RTEL1: variants seen among roughly 807,000 people sequenced by gnomAD.
RTEL1 encodes regulator of telomere length.
In RTEL1, 86 loss-of-function variants were observed where a neutral mutation model predicts 162.2. That is an observed-to-expected ratio of 0.53 (90% confidence interval 0.45 to 0.63). RTEL1 has a LOEUF of 0.63. Among genes scored for constraint, RTEL1 ranks in the 30% least tolerant of loss-of-function variants. The pLI is 0.00. For missense variants in RTEL1, 1,941 were observed against 1,750.2 expected (o/e 1.11, Z -1.95); for synonymous variants, 958 against 717.9 (o/e 1.33, Z -5.35).
rs539800902 is a variant in RTEL1 at position 63,694,808 on chromosome 20, C to A, written c.3177C>A (p.Ala1059=). The A allele has an allele frequency of 2.5e-6, 4 of 1,612,410 alleles. No individual in the cohort carries two copies. The East Asian group carries it at 6.7e-5, about 27-fold the overall frequency. ...VPRAGKQGQH[A]VSAYLADARR... ...GAGCAGGGAAGCAGGGCCAGCACGC[C>A]GTGAGCGCCTACCTGGCTGATGCCC... is the stretch of plus-strand genomic sequence containing the variant. The change falls in exon 32 of 35, where the codon GCC becomes GCA. Residue 1059 remains alanine, a synonymous_variant. Transcript: ENST00000360203.
At position 63,693,419 on chromosome 20, in the gene RTEL1, G is replaced by A. The variant is rs1195166788; in HGVS notation, c.2992+136G>A. 7 of 986,972 alleles carry A rather than the reference G, an allele frequency of 7.1e-6. No homozygotes were observed. The East Asian group carries it at 1.1e-4, about 15-fold the overall frequency. 61.1% of individuals were successfully genotyped at this position (986,972 alleles called of 1,614,324 possible). On this transcript the variant is annotated intron_variant, in intron 30 of 34. Transcript: ENST00000360203. ...TCTGTTCCCCTATGGGAGTGATGGGGGCCTCCACCTCCACCACCAGCACCA... is the reference window on the plus strand; with the variant it reads ...TCTGTTCCCCTATGGGAGTGATGGGAGCCTCCACCTCCACCACCAGCACCA...
At chr20:63,670,965 C>G (rs553131956) in intron 8 of RTEL1, among the ~76,000 whole-genome samples, 113 of 152,338 alleles carry the variant, frequency 7.4e-4, no homozygotes, top group African/African-American at 2.6e-3. Flanking sequence ...ACAGCAGCCA[C>G]GGGCGTGGAC....
intron 1 of RTEL1, among the ~76,000 whole-genome samples, chr20:63,659,002 C>G (rs1323905441): frequency 6.6e-6 from 1 of 152,186 alleles, no homozygotes; most frequent in Non-Finnish European, 1.5e-5. Flanking sequence ...TTACTGCAGG[C>G]GGAACTTGCA....
rs1257154528 is a variant in RTEL1, at chr20:63,668,285, CGTG to C, written c.699+736_699+738del. ...GGTTTGTGTGTTCACGTGACGATGG[CGTG>C]GTGACGTTTCCAGATCCCGTCGTTG... On this transcript the variant is annotated intron_variant, in intron 8 of 34. Transcript: ENST00000360203. The surrounding 1 kb of genome is among the most constrained non-coding windows in gnomAD (Gnocchi z 4.3). 6.6e-6 allele frequency among the ~76,000 whole-genome samples: 1 copy of C among 152,120 alleles called. No homozygotes were observed. Among genetic ancestry groups the C allele is most frequent in the African/African-American group, 2.4e-5 (1 of 41,420 alleles).
intron 30 of RTEL1, among the ~76,000 whole-genome samples, chr20:63,693,491 C>CACG (rs2090846140): frequency 2.0e-5 from 2 of 102,330 alleles, no homozygotes; most frequent in Non-Finnish European, 4.0e-5. Context: ...CCACCACCAC[C>CACG]TCCACCTCCA....
rs1317237188 is a variant in RTEL1, at chr20:63,693,448, GCAC to G, written c.2992+170_2992+172del. ...TCCACCTCCACCACCAGCACCAGCA[GCAC>G]CACCTCCACCTCCACCTCCACCTCC... On this transcript the variant is annotated intron_variant, in intron 30 of 34. Coordinates refer to ENST00000360203, the MANE Select transcript of RTEL1 (RefSeq NM_001283009.2). Among the ~76,000 whole-genome samples the G allele has an allele frequency of 2.3e-3, 97 of 42,358 alleles. 4 individuals are homozygous for G. The East Asian group carries it at 0.044, about 19-fold the overall frequency. The allele number at this position is 42,358 out of a possible 152,430, so 27.8% of individuals were successfully genotyped here. A position where few individuals can be genotyped will look rare whatever the true frequency, so the allele number is the denominator to read the frequency against.
In RTEL1 at chr20:63,690,389, G is replaced by C. The variant is rs1443824309; in HGVS notation, c.2361G>C (p.Arg787Ser). The C allele has an allele frequency of 6.2e-7, 1 of 1,605,688 alleles. No individual in the cohort carries two copies. Among genetic ancestry groups the C allele is most frequent in the Non-Finnish European group, 8.5e-7 (1 of 1,175,630 alleles). Residue 787 changes from arginine to serine, a missense_variant, in exon 26 of 35, where the codon AGG becomes AGC. Transcript: ENST00000360203. ...AKSPGPFFST[R>S]KAKSLDLHVP... ...CGCCTGGCCCCTTCTTCTCCACCAG[G>C]AAAGCTAAGAGTCTGGACCTGCATG... is the stretch of plus-strand genomic sequence containing the variant.
At chr20:63,693,582 ACCACCACC>A (rs2090864788) in intron 30 of RTEL1, among the ~76,000 whole-genome samples, 1 of 20,624 alleles carries the variant, frequency 4.8e-5, no homozygotes, top group Non-Finnish European at 1.1e-4. Context: ...CACCTCCACC[ACCACCACC>A]TCCACCTCCA....
chr20:63,693,453 ACCTCCACCTCCACCT>A lies in RTEL1; in HGVS notation c.2992+173_2992+187del, dbSNP rs1568719859. 2.7e-4 allele frequency among the ~76,000 whole-genome samples: 10 copies of A among 37,036 alleles called. No individual in the cohort carries two copies. In the East Asian group the frequency reaches 2.7e-3, roughly 10 times the overall value. The allele number at this position is 37,036 out of a possible 152,430, so 24.3% of individuals were successfully genotyped here. A position where few individuals can be genotyped will look rare whatever the true frequency, so the allele number is the denominator to read the frequency against. ...CTCCACCACCAGCACCAGCAGCACC[ACCTCCACCTCCACCT>A]CCACCTCCACCTCCACCACCACCTC... On this transcript the variant is annotated intron_variant, in intron 30 of 34. Transcript: ENST00000360203.
intron 27 of RTEL1, among the ~76,000 whole-genome samples, 173 bp downstream of exon 27, chr20:63,691,120 C>T (rs942463074): frequency 1.3e-5 from 2 of 152,002 alleles, no homozygotes; most frequent in African/African-American, 4.8e-5. Context: ...GTGGGTCCTC[C>T]ACCCCACCTC....
rs1450743131 is a variant in RTEL1 at position 63,682,399 on chromosome 20, G to A, written c.1191+1680G>A. ...ACTCTGGAACCGGATCCTGGAACGC[G>A]GCCTCCCAGCCTCCCACTTAAGGAG... On this transcript the variant is annotated intron_variant, in intron 14 of 34. Transcript: ENST00000360203. 1.9e-5 allele frequency: 19 copies of A among 984,808 alleles called. No homozygotes were observed. In the South Asian group the frequency reaches 6.6e-4, roughly 34 times the overall value. The allele number at this position is 984,808 out of a possible 1,614,324, so 61.0% of individuals were successfully genotyped here. A position where few individuals can be genotyped will look rare whatever the true frequency, so the allele number is the denominator to read the frequency against.
Position 63,680,042 on chromosome 20 carries a change from C to T in RTEL1, c.1135+96C>T, listed in dbSNP as rs991890601. The T allele has an allele frequency of 1.7e-5, 14 of 823,828 alleles. No individual in the cohort carries two copies. In the Admixed American group the frequency reaches 3.6e-4, roughly 21 times the overall value. 51.0% of individuals were successfully genotyped at this position (823,828 alleles called of 1,614,324 possible). ...CAGTCAGGGCTCCCCTGGCCGTCACCTGGCCGTCAGCAGGAACAGGCCCAC... is the reference window on the plus strand; with the variant it reads ...CAGTCAGGGCTCCCCTGGCCGTCACTTGGCCGTCAGCAGGAACAGGCCCAC... On this transcript the variant is annotated intron_variant, in intron 13 of 34. Transcript: ENST00000360203.
Position 63,665,947 on chromosome 20 carries a change from G to A in RTEL1, c.539-57G>A, listed in dbSNP as rs112588298. On this transcript the variant is annotated intron_variant, in intron 6 of 34. Transcript: ENST00000360203. ...CGTTCTGTCCTGGGCATCCCCCTGTGGTCTGGGACTTAGTGGACCCTGAGG... is the reference window on the plus strand; with the variant it reads ...CGTTCTGTCCTGGGCATCCCCCTGTAGTCTGGGACTTAGTGGACCCTGAGG... 14 of 1,531,728 alleles carry A rather than the reference G, an allele frequency of 9.1e-6. No individual in the cohort carries two copies. The African/African-American group carries it at 1.8e-4, about 19-fold the overall frequency. 94.9% of individuals were successfully genotyped at this position (1,531,728 alleles called of 1,614,324 possible). A position where few individuals can be genotyped will look rare whatever the true frequency, so the allele number is the denominator to read the frequency against.
At chr20:63,659,965 G>A (rs2089985448) in intron 2 of RTEL1, among the ~76,000 whole-genome samples, 1 of 152,082 alleles carries the variant, frequency 6.6e-6, no homozygotes, top group Non-Finnish European at 1.5e-5. Flanking sequence ...AAGGAATCTG[G>A]GTCACAAATA....
In RTEL1 at chr20:63,678,192, T is replaced by G. The variant is rs748577663; in HGVS notation, c.958+9T>G. ...CATTGCAAAGCTGAAGAGTAAGTGT[T>G]GCCCTCCCCGCCTCCTTGCAGCTGG... On this transcript the variant is annotated intron_variant, in intron 11 of 34. Transcript: ENST00000360203. The G allele has an allele frequency of 2.5e-6, 4 of 1,613,316 alleles. No homozygotes were observed. The highest frequency in any genetic ancestry group is 3.4e-6 in the Non-Finnish European group (4 of 1,179,228).
chr20:63,689,219 G>C lies in RTEL1; in HGVS notation c.1878+87G>C, dbSNP rs897638176. 4 of 1,310,976 alleles carry C rather than the reference G, an allele frequency of 3.1e-6. No homozygotes were observed. The African/African-American group carries it at 4.4e-5, about 14-fold the overall frequency. The allele number at this position is 1,310,976 out of a possible 1,614,324, so 81.2% of individuals were successfully genotyped here. A position where few individuals can be genotyped will look rare whatever the true frequency, so the allele number is the denominator to read the frequency against. On this transcript the variant is annotated intron_variant, in intron 22 of 34. Transcript: ENST00000360203. The stretch of plus-strand genomic sequence containing the variant: ...CTCCCCAGCAGACTCTGGGCCCTGG[G>C]GGCTGCCCGGTCCCCTCCTTGGGTC...
At chr20:63,687,594 C>A in intron 16 of RTEL1, 44 bp from the exon 17 acceptor site, 1 of 1,558,764 alleles carries the variant, frequency 6.4e-7, no homozygotes, top group South Asian at 1.2e-5. Context: ...GGCCCCCAGT[C>A]CCGTCCTCAC....
In RTEL1 at chr20:63,695,311, C is replaced by T; in HGVS notation, c.3500-17C>T. The T allele has an allele frequency of 6.3e-7, 1 of 1,575,034 alleles. No homozygotes were observed. Reference sequence around the variant, plus strand: ...CAAAGCCCCAGGCCCCCCTCAGACTCAAGTCTCTGTCTCCAGGCCCCTCAC... The same window carrying T: ...CAAAGCCCCAGGCCCCCCTCAGACTTAAGTCTCTGTCTCCAGGCCCCTCAC... On this transcript the variant is annotated splice_polypyrimidine_tract_variant and intron_variant, in intron 33 of 34. Transcript: ENST00000360203.
At chr20:63,664,096 C>T (rs1481788392) in intron 6 of RTEL1, among the ~76,000 whole-genome samples, 1 of 152,192 alleles carries the variant, frequency 6.6e-6, no homozygotes, top group Non-Finnish European at 1.5e-5. Flanking sequence ...GTGTGGTTGT[C>T]CAGGCCTTTT....
Sources: gnomAD v4.1 joint callset for allele counts (sites outside exome capture counted in the v4.1 genomes callset) on GRCh38, gnomAD v4.1.1 for gene constraint, Gnocchi (gnomAD v3.1) non-coding constraint, MANE v1.5 for transcripts, NCBI Gene and HGNC (gene_info 2026-07-23, HGNC 2026-07-21) for gene names.